Variants in MNAT1 observed in about 807,000 individuals in gnomAD.
The protein encoded by MNAT1 is MNAT1 component of CDK activating kinase, also known as CDK-activating kinase assembly factor MAT1.
In MNAT1, 43 loss-of-function variants were observed where a neutral mutation model predicts 42.0. The observed-to-expected ratio is 1.02, with a 90% CI of 0.80 to 1.32. The LOEUF is 1.32. Among genes scored for constraint, MNAT1 ranks in the 40% most tolerant of loss-of-function variants. MNAT1 has a pLI of 0.00. For missense variants in MNAT1, 306 were observed against 350.4 expected (o/e 0.87, Z 1.01); for synonymous variants, 118 against 120.0 (o/e 0.98, Z 0.11).
intron 1 of MNAT1, among the ~76,000 whole-genome samples, chr14:60,779,814 A>G (rs1242924352): frequency 1.3e-5 from 2 of 152,120 alleles, no homozygotes; most frequent in African/African-American, 2.4e-5. Flanking sequence ...AAGAAAAAAA[A>G]AAGAAGCTGT....
intron 1 of MNAT1, 47 bp from the exon 2 acceptor site, chr14:60,796,170 G>A: frequency 6.4e-7 from 1 of 1,560,254 alleles, no homozygotes. Flanking sequence ...ATGTGTTGTA[G>A]ATTTGAACAT....
intron 5 of MNAT1, among the ~76,000 whole-genome samples, chr14:60,813,838 A>G (rs188589726): frequency 7.2e-4 from 110 of 152,336 alleles, no homozygotes; most frequent in African/African-American, 2.5e-3. Flanking sequence ...TGAAGGATTT[A>G]AAGTGATTTC....
At chr14:60,799,192 T>G in intron 3 of MNAT1, 2 of 937,222 alleles carry the variant, frequency 2.1e-6, no homozygotes, top group East Asian at 1.2e-4. Flanking sequence ...CTGGGATCTT[T>G]CAGTGCCATA....
chr14:60,737,828 G>T (rs866033900), intron 1 of MNAT1, among the ~76,000 whole-genome samples: 10 of 151,720 alleles, frequency 6.6e-5, no homozygotes, highest in African/African-American at 2.4e-4. Context: ...AGACCAACTT[G>T]GACAACATAG....
intron 1 of MNAT1, among the ~76,000 whole-genome samples, chr14:60,776,773 G>A (rs1159786399): frequency 6.6e-6 from 1 of 152,086 alleles, no homozygotes; most frequent in Non-Finnish European, 1.5e-5. Context: ...ATCATGGCAG[G>A]AAAAAGGTGT....
Position 60,921,248 on chromosome 14 carries a change from A to AT in MNAT1, c.809+41414dup, listed in dbSNP as rs1460976260. Among the ~76,000 whole-genome samples, 125 of 152,304 alleles carry AT rather than the reference A, an allele frequency of 8.2e-4. 1 individual carries two copies. Among genetic ancestry groups the AT allele is most frequent in the African/African-American group, 2.9e-3 (122 of 41,586 alleles). On this transcript the variant is annotated intron_variant, in intron 7 of 7. Coordinates refer to ENST00000261245, the MANE Select transcript of MNAT1 (RefSeq NM_002431.4). The stretch of plus-strand genomic sequence containing the variant: ...TTCATACAATATAATGTATTAAGAC[A>AT]TGTTAGCGTTTTCTCTTGAGGTCTC...
intron 1 of MNAT1, among the ~76,000 whole-genome samples, chr14:60,782,988 A>C (rs1026630553): frequency 6.6e-6 from 1 of 152,236 alleles, no homozygotes; most frequent in Non-Finnish European, 1.5e-5. Context: ...ACTTCTTTAT[A>C]GTATGGCTTT....
At chr14:60,764,900 GGGGCAGTGTGTATAATGA>G (rs2030751802) in intron 1 of MNAT1, among the ~76,000 whole-genome samples, 1 of 152,148 alleles carries the variant, frequency 6.6e-6, no homozygotes, top group Admixed American at 6.5e-5. Flanking sequence ...TGAGATCAAA[GGGGCAGTGTGTATAATGA>G]GGGACTGAGA....
chr14:60,751,240 T>G (rs562986654), intron 1 of MNAT1, among the ~76,000 whole-genome samples: 20 of 152,170 alleles, frequency 1.3e-4, no homozygotes, highest in Admixed American at 8.5e-4. Flanking sequence ...TTCAATTACA[T>G]TTTGATTACC....
intron 7 of MNAT1, among the ~76,000 whole-genome samples, chr14:60,942,277 G>A (rs1259518674): frequency 6.6e-6 from 1 of 152,064 alleles, no homozygotes; most frequent in Non-Finnish European, 1.5e-5. Flanking sequence ...TTCCAGTAGT[G>A]TTAGCACAGG....
chr14:60,832,227 G>T (rs1218343698), intron 6 of MNAT1, among the ~76,000 whole-genome samples: 2 of 152,130 alleles, frequency 1.3e-5, no homozygotes, highest in African/African-American at 4.8e-5. Flanking sequence ...ATTACTTTTG[G>T]TGTTTTAGTC....
chr14:60,911,653 A>G (rs1180819149), intron 7 of MNAT1, among the ~76,000 whole-genome samples: 1 of 152,062 alleles, frequency 6.6e-6, no homozygotes, highest in Non-Finnish European at 1.5e-5. Context: ...CTTAATCCTG[A>G]GTTCTAGTTT....
At chr14:60,966,349 T>C (rs2036682763) in intron 7 of MNAT1, among the ~76,000 whole-genome samples, 2 of 151,466 alleles carry the variant, frequency 1.3e-5, no homozygotes, top group Admixed American at 1.3e-4. Flanking sequence ...GAAACTCCTG[T>C]CCTCAGGTGA....
chr14:60,872,835 T>TAAAC (rs370441850), intron 6 of MNAT1, among the ~76,000 whole-genome samples: 1 of 146,848 alleles, frequency 6.8e-6, no homozygotes, highest in Admixed American at 6.8e-5. Context: ...CACACACACA[T>TAAAC]ACACACACAC....
intron 7 of MNAT1, among the ~76,000 whole-genome samples, chr14:60,915,413 T>A (rs922823162): frequency 1.3e-5 from 2 of 152,240 alleles, no homozygotes; most frequent in Admixed American, 6.5e-5. Flanking sequence ...CTGAGCCACA[T>A]ATTTTAAACT....
At chr14:60,911,301 G>C (rs1404334224) in intron 7 of MNAT1, among the ~76,000 whole-genome samples, 1 of 151,974 alleles carries the variant, frequency 6.6e-6, no homozygotes, top group Non-Finnish European at 1.5e-5. Context: ...ATTTTTTTAA[G>C]GGTTTTTTGT....
At chr14:60,922,987 A>G (rs1371393894) in intron 7 of MNAT1, among the ~76,000 whole-genome samples, 1 of 152,202 alleles carries the variant, frequency 6.6e-6, no homozygotes, top group Non-Finnish European at 1.5e-5. Flanking sequence ...ATTTTGTTGT[A>G]GGTGAAGAGT....
At chr14:60,862,106 G>A (rs776669813) in intron 6 of MNAT1, among the ~76,000 whole-genome samples, 9 of 152,134 alleles carry the variant, frequency 5.9e-5, no homozygotes, top group African/African-American at 1.2e-4. Flanking sequence ...GTAACCTACC[G>A]TTTAAAATAC....
rs574926255 is a variant in MNAT1, at chr14:60,913,240, C to G, written c.809+33405C>G. On this transcript the variant is annotated intron_variant, in intron 7 of 7. Transcript: ENST00000261245. The stretch of plus-strand genomic sequence containing the variant: ...TTGTCCATTCGTCTAATTTTTTTTT[C>G]AAAGTTTTTAACTTCTTTGCAATTG... 9.2e-5 allele frequency among the ~76,000 whole-genome samples: 14 copies of G among 151,490 alleles called. No individual in the cohort carries two copies. The South Asian group carries it at 2.9e-3, about 32-fold the overall frequency.
Sources: allele counts gnomAD v4.1 joint callset (sites outside exome capture counted in the v4.1 genomes callset), GRCh38; gene constraint gnomAD v4.1.1; transcripts MANE v1.5; gene names NCBI Gene and HGNC (gene_info 2026-07-23, HGNC 2026-07-21).